The following HMBOX1 variants were observed in gnomAD, a reference collection of about 807,000 sequenced individuals.
The protein encoded by HMBOX1 is homeobox containing 1, also known as homeobox-containing protein 1.
A neutral mutation model predicts 54.5 loss-of-function variants in HMBOX1; 14 were observed. That is an observed-to-expected ratio of 0.26 (90% CI 0.17 to 0.40). HMBOX1 has a LOEUF of 0.40. Among genes scored for constraint, HMBOX1 ranks in the 10% least tolerant of loss-of-function variants. HMBOX1 has a pLI of 1.00. For synonymous variants in HMBOX1, 160 were observed against 181.0 expected (o/e 0.88, Z 0.93); for missense variants, 332 against 514.4 (o/e 0.65, Z 3.43).
At chr8:29,020,317 CAGTATATAT>C (rs1800966176) in intron 6 of HMBOX1, among the ~76,000 whole-genome samples, 2 of 151,864 alleles carry the variant, frequency 1.3e-5, no homozygotes, top group African/African-American at 4.8e-5. Context: ...ATGAAAATAC[CAGTATATAT>C]TTATCACAAA....
chr8:28,892,371 T>G (rs2131467068), intron 1 of HMBOX1, among the ~76,000 whole-genome samples: 1 of 152,316 alleles, frequency 6.6e-6, no homozygotes, highest in African/African-American at 2.4e-5. Context: ...TCACAGTTTT[T>G]AATATTTAAT....
intron 1 of HMBOX1, chr8:28,891,669 G>T (rs1191705674): frequency 6.6e-6 from 1 of 152,270 alleles, no homozygotes; most frequent in Non-Finnish European, 1.5e-5. Flanking sequence ...GGAACTGTTG[G>T]AAATTATTTG....
At chr8:28,927,086 T>C (rs1818647674) in intron 1 of HMBOX1, among the ~76,000 whole-genome samples, 2 of 152,172 alleles carry the variant, frequency 1.3e-5, no homozygotes, top group Non-Finnish European at 2.9e-5. Flanking sequence ...CACAACAGGA[T>C]GGCTATAGTG....
intron 3 of HMBOX1, among the ~76,000 whole-genome samples, chr8:28,974,998 C>T (rs1416993958): frequency 6.6e-6 from 1 of 152,144 alleles, no homozygotes; most frequent in Non-Finnish European, 1.5e-5. Context: ...AATGTCATTT[C>T]GAGCTACTAT....
At chr8:28,967,074 A>C (rs529036468) in intron 2 of HMBOX1, among the ~76,000 whole-genome samples, 1 of 152,206 alleles carries the variant, frequency 6.6e-6, no homozygotes, top group African/African-American at 2.4e-5. Flanking sequence ...CTGCTTCCAT[A>C]TAATGAGGAA....
intron 1 of HMBOX1, among the ~76,000 whole-genome samples, chr8:28,951,229 T>C (rs901252498): frequency 6.6e-6 from 1 of 152,152 alleles, no homozygotes; most frequent in African/African-American, 2.4e-5. Context: ...ACCTCCTGGG[T>C]TCAAGCGATT....
chr8:28,959,714 C>T (rs950315523), intron 1 of HMBOX1, among the ~76,000 whole-genome samples: 3 of 152,002 alleles, frequency 2.0e-5, no homozygotes, highest in African/African-American at 7.2e-5. Context: ...CTGTATTTTT[C>T]TATAGTTTAG....
intron 3 of HMBOX1, among the ~76,000 whole-genome samples, chr8:28,974,493 A>C (rs976148022): frequency 1.2e-4 from 19 of 152,112 alleles, no homozygotes; most frequent in Non-Finnish European, 1.6e-4. Flanking sequence ...TACATTAAGG[A>C]TATTATTCTT....
intron 4 of HMBOX1, among the ~76,000 whole-genome samples, chr8:28,982,912 C>T (rs1829625380): frequency 6.6e-6 from 1 of 152,206 alleles, no homozygotes; most frequent in African/African-American, 2.4e-5. Flanking sequence ...GCATGAGCCA[C>T]TGTGCCCAGC....
chr8:28,935,068 T>C (rs1222871351), intron 1 of HMBOX1, among the ~76,000 whole-genome samples: 1 of 152,096 alleles, frequency 6.6e-6, no homozygotes, highest in Admixed American at 6.5e-5. Context: ...AAATAGTAAA[T>C]GTATACAAGA....
intron 6 of HMBOX1, among the ~76,000 whole-genome samples, chr8:29,044,602 G>A (rs1305037331): frequency 6.6e-6 from 1 of 152,154 alleles, no homozygotes; most frequent in Non-Finnish European, 1.5e-5. Flanking sequence ...TAAGCTTACT[G>A]TGTAGTCTTC....
At chr8:28,945,558 G>C (rs11136052) in intron 1 of HMBOX1, among the ~76,000 whole-genome samples, 91,251 of 152,046 alleles carry the variant, frequency 0.6, 27,961 homozygotes, top group East Asian at 0.7. Context: ...TTGGAGAGAA[G>C]GTTATAAATA....
chr8:28,933,356 A>G (rs1819814529), intron 1 of HMBOX1, among the ~76,000 whole-genome samples: 1 of 152,210 alleles, frequency 6.6e-6, no homozygotes, highest in South Asian at 2.1e-4. Context: ...AGACCTGTCA[A>G]CTAAATAGAC....
At chr8:28,968,165 A>C (rs1026645713) in intron 2 of HMBOX1, among the ~76,000 whole-genome samples, 9 of 152,218 alleles carry the variant, frequency 5.9e-5, no homozygotes, top group Non-Finnish European at 1.3e-4. Flanking sequence ...AACATACGAC[A>C]TCTAGCTGTC....
At chr8:28,922,932 A>G (rs1170069742) in intron 1 of HMBOX1, among the ~76,000 whole-genome samples, 2 of 152,290 alleles carry the variant, frequency 1.3e-5, no homozygotes, top group African/African-American at 4.8e-5. Flanking sequence ...AAGTAATACT[A>G]TAAAAAAGCC....
At chr8:29,013,725 T>A (rs923879223) in intron 5 of HMBOX1, among the ~76,000 whole-genome samples, 4 of 152,176 alleles carry the variant, frequency 2.6e-5, no homozygotes, top group Non-Finnish European at 5.9e-5. Flanking sequence ...AAAATACCTA[T>A]TTTTTAAAAA....
intron 5 of HMBOX1, 91 bp downstream of exon 5, chr8:29,009,273 A>T: frequency 8.6e-7 from 1 of 1,167,204 alleles, no homozygotes; most frequent in Non-Finnish European, 1.2e-6. Flanking sequence ...TTGTTCAGTA[A>T]GATGGTTTCA....
At chr8:29,010,522 C>T (rs904360672) in intron 5 of HMBOX1, among the ~76,000 whole-genome samples, 1 of 151,778 alleles carries the variant, frequency 6.6e-6, no homozygotes, top group African/African-American at 2.4e-5. Flanking sequence ...TGCCACTGCA[C>T]TCCAGCCTGG....
intron 4 of HMBOX1, among the ~76,000 whole-genome samples, chr8:29,005,255 C>T (rs1453084738): frequency 6.6e-6 from 1 of 152,070 alleles, no homozygotes; most frequent in Admixed American, 6.5e-5. Flanking sequence ...CAACTATTTG[C>T]TTGTAAAATA....
Sources: allele counts gnomAD v4.1 joint callset (sites outside exome capture counted in the v4.1 genomes callset), GRCh38; gene constraint gnomAD v4.1.1; transcripts MANE v1.5; gene names NCBI Gene and HGNC (gene_info 2026-07-23, HGNC 2026-07-21).